The following SDK1 variants were observed in gnomAD, a reference collection of about 807,000 sequenced individuals.
SDK1 encodes the protein sidekick cell adhesion molecule 1.
In SDK1, 157 loss-of-function variants were observed where a neutral mutation model predicts 245.5. The observed-to-expected ratio is 0.64, with a 90% CI of 0.56 to 0.73. The LOEUF (loss-of-function observed/expected upper bound fraction) is 0.73. Ranked by LOEUF, SDK1 falls within the 30% of genes least tolerant of loss-of-function variation. The pLI is 0.00. For synonymous variants in SDK1, 1,647 were observed against 1,278.5 expected, an observed-to-expected ratio of 1.29 and a Z score of -6.15; for missense variants, 3,583 against 3,002.3, an observed-to-expected ratio of 1.19 and a Z score of -4.52.
At chr7:3,458,646 G>A (rs1179046387) in intron 1 of SDK1, among the ~76,000 whole-genome samples, 3 of 152,052 alleles carry the variant, frequency 2.0e-5, no homozygotes, top group African/African-American at 7.2e-5. Flanking sequence ...AGAGTAGGAG[G>A]TAGATAGAGG....
chr7:3,758,874 T>C (rs1163431450), intron 4 of SDK1, among the ~76,000 whole-genome samples: 1 of 152,228 alleles, frequency 6.6e-6, no homozygotes, highest in African/African-American at 2.4e-5. Context: ...CAAGTCTCTG[T>C]TCCTGTCTGT....
chr7:3,999,880 A>C (rs1452616687), intron 14 of SDK1, among the ~76,000 whole-genome samples: 2 of 152,190 alleles, frequency 1.3e-5, no homozygotes, highest in African/African-American at 2.4e-5. Flanking sequence ...TTCCTGGCTG[A>C]AAAGGGATGC....
intron 1 of SDK1, among the ~76,000 whole-genome samples, chr7:3,317,844 C>G (rs1436149817): frequency 6.6e-6 from 1 of 152,062 alleles, no homozygotes; most frequent in East Asian, 1.9e-4. Context: ...CTAAGGTAAC[C>G]TTTCATTCCA....
chr7:4,196,021 T>G (rs1232869509), intron 35 of SDK1, among the ~76,000 whole-genome samples: 1 of 152,154 alleles, frequency 6.6e-6, no homozygotes, highest in African/African-American at 2.4e-5. Flanking sequence ...AGTGAAGCCC[T>G]TCAGTCCCTC....
intron 1 of SDK1, among the ~76,000 whole-genome samples, chr7:3,364,744 T>C (rs1299670481): frequency 6.6e-6 from 1 of 152,204 alleles, no homozygotes; most frequent in Non-Finnish European, 1.5e-5. Context: ...TTCAAAATTG[T>C]TTCTGGTTAT....
chr7:3,318,408 A>T (rs1394698018), intron 1 of SDK1, among the ~76,000 whole-genome samples: 2 of 152,194 alleles, frequency 1.3e-5, no homozygotes, highest in Non-Finnish European at 2.9e-5. Context: ...TCTCTCTCTC[A>T]CAAGGTTTTT....
At chr7:3,878,763 TA>T (rs1781135041) in intron 5 of SDK1, among the ~76,000 whole-genome samples, 1 of 152,132 alleles carries the variant, frequency 6.6e-6, no homozygotes. Context: ...CATATTCAAA[TA>T]ATCATCTTTT....
Position 3,987,415 on chromosome 7 carries a change from A to G in SDK1, c.2131+93A>G, listed in dbSNP as rs560264038. On this transcript the variant is annotated intron_variant, in intron 14 of 44. Transcript: ENST00000404826. ...TAACCTTTACTTCTGGGTCAGACCC[A>G]AAACAACTACTAAAATGCTGTAATG... 9 of 1,300,440 alleles carry G rather than the reference A, an allele frequency of 6.9e-6. No individual in the cohort carries two copies. The East Asian group carries it at 1.6e-4, about 23-fold the overall frequency. The allele number at this position is 1,300,440 out of a possible 1,614,324, so 80.6% of individuals were successfully genotyped here. A position where few individuals can be genotyped will look rare whatever the true frequency, so the allele number is the denominator to read the frequency against.
chr7:4,248,498 A>G (rs1334761337), intron 44 of SDK1, among the ~76,000 whole-genome samples: 1 of 151,872 alleles, frequency 6.6e-6, no homozygotes, highest in Non-Finnish European at 1.5e-5. Context: ...CAACATATAC[A>G]CACCTAAATA....
At chr7:3,953,909 G>A (rs1008832626) in intron 7 of SDK1, among the ~76,000 whole-genome samples, 3 of 152,182 alleles carry the variant, frequency 2.0e-5, no homozygotes, top group Non-Finnish European at 4.4e-5. Context: ...ACCCTGAAGA[G>A]AGTGTCTGTG....
intron 1 of SDK1, among the ~76,000 whole-genome samples, chr7:3,484,805 T>C (rs1230651144): frequency 6.6e-6 from 1 of 152,234 alleles, no homozygotes; most frequent in Non-Finnish European, 1.5e-5. Flanking sequence ...CCTCCAGTTA[T>C]AAACGTGTTG....
intron 1 of SDK1, among the ~76,000 whole-genome samples, chr7:3,495,888 C>T (rs905753029): frequency 2.6e-5 from 4 of 152,118 alleles, no homozygotes; most frequent in African/African-American, 4.8e-5. Flanking sequence ...GAGTTAATAC[C>T]GTATTCTAAC....
intron 1 of SDK1, among the ~76,000 whole-genome samples, chr7:3,456,317 T>C (rs1424822098): frequency 6.6e-6 from 1 of 152,194 alleles, no homozygotes; most frequent in African/African-American, 2.4e-5. Flanking sequence ...CCCCAGCAAC[T>C]TTCTCCTCTG....
At chr7:4,195,708 C>G (rs1783536978) in intron 35 of SDK1, among the ~76,000 whole-genome samples, 1 of 152,176 alleles carries the variant, frequency 6.6e-6, no homozygotes, top group Non-Finnish European at 1.5e-5. Flanking sequence ...ACTCCACCTC[C>G]CTGGGGCTCA....
chr7:3,886,921 A>T (rs956639821), intron 5 of SDK1, among the ~76,000 whole-genome samples: 1 of 152,172 alleles, frequency 6.6e-6, no homozygotes, highest in Non-Finnish European at 1.5e-5. Flanking sequence ...AATTTAAAAA[A>T]CTTGGCTCTT....
rs147275497 is a variant in SDK1, at chr7:3,650,612, C to G, written c.713+8507C>G. On this transcript the variant is annotated intron_variant, in intron 4 of 44. Transcript: ENST00000404826. The stretch of plus-strand genomic sequence containing the variant: ...TTAAACTGTGTTACGGTATCACAAC[C>G]AGGATACTGACTTTGATACATCAAC... Among the ~76,000 whole-genome samples the G allele has an allele frequency of 5.3e-5, 8 of 152,264 alleles. No individual in the cohort carries two copies. The East Asian group carries it at 1.5e-3, about 29-fold the overall frequency.
intron 1 of SDK1, among the ~76,000 whole-genome samples, chr7:3,557,549 A>C (rs569851634): frequency 2.8e-4 from 42 of 152,350 alleles, no homozygotes; most frequent in African/African-American, 9.4e-4. Flanking sequence ...AACATTTTAT[A>C]GAATTAAGTA....
chr7:4,091,334 C>CTTTTCTTTTTTT (rs1259034611), intron 22 of SDK1, among the ~76,000 whole-genome samples: 32 of 108,226 alleles, frequency 3.0e-4, no homozygotes, highest in African/African-American at 1.0e-3. Flanking sequence ...CTTTTCTTTT[C>CTTTTCTTTTTTT]TTTTTTTTTT....
At chr7:4,100,870 C>T (rs569538111) in intron 22 of SDK1, among the ~76,000 whole-genome samples, 1 of 152,246 alleles carries the variant, frequency 6.6e-6, no homozygotes, top group Non-Finnish European at 1.5e-5. Context: ...GAGCTGGGGG[C>T]CTGTGGGTTA....
Sources: allele counts gnomAD v4.1 joint callset (sites outside exome capture counted in the v4.1 genomes callset), GRCh38; gene constraint gnomAD v4.1.1; transcripts MANE v1.5; gene names NCBI Gene and HGNC (gene_info 2026-07-23, HGNC 2026-07-21).